The following IRAK4 variants were observed in gnomAD, a reference collection of about 807,000 sequenced individuals.
IRAK4 encodes the protein interleukin 1 receptor associated kinase 4, also known as interleukin-1 receptor-associated kinase 4.
A neutral mutation model predicts 51.8 loss-of-function variants in IRAK4; 44 were observed. The ratio of observed to expected loss-of-function variants is 0.85; its 90% CI spans 0.67 to 1.09. The LOEUF (loss-of-function observed/expected upper bound fraction) is 1.09. Ranked by LOEUF, IRAK4 falls within the 50% of genes least tolerant of loss-of-function variation. IRAK4 has a pLI of 0.00. For synonymous variants in IRAK4, 149 were observed against 174.1 expected, an observed-to-expected ratio of 0.86 and a Z score of 1.13; for missense variants, 487 against 538.0, an observed-to-expected ratio of 0.91 and a Z score of 0.94.
At chr12:43,782,000 A>T (rs1941814429) in intron 8 of IRAK4, among the ~76,000 whole-genome samples, 1 of 152,198 alleles carries the variant, frequency 6.6e-6, no homozygotes, top group Non-Finnish European at 1.5e-5. Context: ...GAATAATGAA[A>T]ATATCTCTTA....
At chr12:43,778,366 A>G in intron 8 of IRAK4, 64 bp downstream of exon 8, 1 of 881,886 alleles carries the variant, frequency 1.1e-6, no homozygotes, top group Non-Finnish European at 1.9e-6. Flanking sequence ...CTGTCACTCT[A>G]TTCACGATTC....
intron 4 of IRAK4, 135 bp from the exon 5 acceptor site, chr12:43,772,777 G>T: frequency 1.4e-6 from 1 of 710,272 alleles, no homozygotes; most frequent in South Asian, 1.9e-5. Flanking sequence ...TTTAGAAATG[G>T]TTTTATCTTC....
intron 1 of IRAK4, among the ~76,000 whole-genome samples, chr12:43,766,934 T>G (rs993784468): frequency 1.2e-4 from 19 of 152,146 alleles, no homozygotes; most frequent in African/African-American, 4.6e-4. Context: ...TGTGCAGTGA[T>G]GAAAGATAAT....
chr12:43,771,843 G>A (rs1260583376), intron 3 of IRAK4, among the ~76,000 whole-genome samples: 3 of 152,008 alleles, frequency 2.0e-5, no homozygotes, highest in African/African-American at 7.3e-5. Context: ...AATCACTTAG[G>A]TTCTGGTTAA....
rs1942340728 is a variant in IRAK4, at chr12:43,788,276, G to A, written c.*1561G>A. On this transcript the variant is annotated 3_prime_UTR_variant, in exon 12 of 12. Coordinates refer to ENST00000613694, the MANE Select transcript of IRAK4 (RefSeq NM_016123.4). ...AGTGTACGTACTGAAATGTGGGGTT[G>A]GAGCCCCAACACAGAGACCCCAGCA... 1 of 152,258 alleles carries A rather than the reference G, an allele frequency of 6.6e-6. No homozygotes were observed. Among genetic ancestry groups the A allele is most frequent in the Admixed American group, 6.5e-5 (1 of 15,286 alleles). 9.4% of individuals were successfully genotyped at this position (152,258 alleles called of 1,614,324 possible).
intron 1 of IRAK4, among the ~76,000 whole-genome samples, chr12:43,764,354 G>A (rs1343835359): frequency 6.6e-6 from 1 of 152,196 alleles, no homozygotes; most frequent in Non-Finnish European, 1.5e-5. Context: ...AACCTGGGAG[G>A]CAGAGGTTGC....
rs1941936268 is a variant in IRAK4, at chr12:43,783,296, T to TAA, written c.1126-365_1126-364dup. Among the ~76,000 whole-genome samples, 3 of 151,816 alleles carry TAA rather than the reference T, an allele frequency of 2.0e-5. No individual in the cohort carries two copies. In the South Asian group the frequency reaches 6.2e-4, roughly 31 times the overall value. On this transcript the variant is annotated intron_variant, in intron 9 of 11. Coordinates refer to ENST00000613694, the MANE Select transcript of IRAK4 (RefSeq NM_016123.4). ...GTTTTTGTCTTGAGTATTATATATATAATTTATTAATATCATGTATAATAT... is the reference window on the plus strand; with the variant it reads ...GTTTTTGTCTTGAGTATTATATATATAAAATTTATTAATATCATGTATAATAT...
At chr12:43,771,855 CATG>C in intron 3 of IRAK4, among the ~76,000 whole-genome samples, 1 of 152,106 alleles carries the variant, frequency 6.6e-6, no homozygotes, top group Non-Finnish European at 1.5e-5. Context: ...TCTGGTTAAA[CATG>C]TAGTTTCCTA....
chr12:43,783,250 G>C (rs1289982757), intron 9 of IRAK4, among the ~76,000 whole-genome samples: 2 of 151,894 alleles, frequency 1.3e-5, no homozygotes, highest in Non-Finnish European at 2.9e-5. Context: ...AATTTTGTAA[G>C]CAAGATTCAT....
At position 43,786,732 on chromosome 12, in the gene IRAK4, A is replaced by T. The variant is rs748253330; in HGVS notation, c.*17A>T. 7.5e-6 allele frequency: 12 copies of T among 1,606,352 alleles called. No individual in the cohort carries two copies. In the African/African-American group the frequency reaches 1.5e-4, roughly 20 times the overall value. On this transcript the variant is annotated 3_prime_UTR_variant, in exon 12 of 12. Coordinates refer to ENST00000613694, the MANE Select transcript of IRAK4 (RefSeq NM_016123.4). Reference sequence around the variant, plus strand: ...GCTTCTTAAAACTTTATTGGAAAAGACTCTTGACTTTTTATATACACCTAT... The same window carrying T: ...GCTTCTTAAAACTTTATTGGAAAAGTCTCTTGACTTTTTATATACACCTAT...
At chr12:43,765,319 C>A (rs920687519) in intron 1 of IRAK4, among the ~76,000 whole-genome samples, 29 of 152,190 alleles carry the variant, frequency 1.9e-4, no homozygotes, top group African/African-American at 7.0e-4. Context: ...CCTCGAAAAT[C>A]GATGTGGATG....
intron 1 of IRAK4, among the ~76,000 whole-genome samples, chr12:43,764,090 T>C (rs1256659404): frequency 6.6e-6 from 1 of 152,192 alleles, no homozygotes; most frequent in East Asian, 1.9e-4. Flanking sequence ...TATGAGGGCA[T>C]TTCAAAAAGT....
At chr12:43,764,771 G>C (rs191905705) in intron 1 of IRAK4, among the ~76,000 whole-genome samples, 2,829 of 152,244 alleles carry the variant, frequency 0.019, 57 homozygotes, top group South Asian at 0.071. Flanking sequence ...GCTTTCCCAG[G>C]TGTTTTTCTG....
intron 5 of IRAK4, chr12:43,773,668 C>T: frequency 3.8e-6 from 1 of 260,690 alleles, no homozygotes; most frequent in South Asian, 6.4e-5. Context: ...ACCTAAATTG[C>T]TTATGTTTTC....
At chr12:43,771,034 T>G in intron 2 of IRAK4, 186 bp from the exon 3 acceptor site, 30 of 693,444 alleles carry the variant, frequency 4.3e-5, no homozygotes, top group East Asian at 8.2e-5. Flanking sequence ...CCTTCCACCA[T>G]GAGATGATGT....
At chr12:43,780,837 C>T (rs1215784404) in intron 8 of IRAK4, among the ~76,000 whole-genome samples, 2 of 152,174 alleles carry the variant, frequency 1.3e-5, no homozygotes, top group East Asian at 3.9e-4. Flanking sequence ...TCCCAAAGTG[C>T]TGGGATTACA....
intron 9 of IRAK4, among the ~76,000 whole-genome samples, chr12:43,782,902 C>T (rs1164866747): frequency 6.6e-6 from 1 of 152,060 alleles, no homozygotes; most frequent in Non-Finnish European, 1.5e-5. Flanking sequence ...TTTATTTTTT[C>T]ATACGTGTTT....
In IRAK4 at chr12:43,782,506, A is replaced by G. The variant is rs1941866695; in HGVS notation, c.1125+16A>G. 1 of 1,577,960 alleles carries G rather than the reference A, an allele frequency of 6.3e-7. No homozygotes were observed. Among genetic ancestry groups the G allele is most frequent in the Non-Finnish European group, 8.7e-7 (1 of 1,148,596 alleles). On this transcript the variant is annotated intron_variant, in intron 9 of 11. Transcript: ENST00000613694. ...CTTTGGTGTGGTAAGTTCCGTATAC[A>G]TAATTATTAAAAATAATCATTCTGC...
chr12:43,779,125 G>A (rs4251506), intron 8 of IRAK4, among the ~76,000 whole-genome samples: 2,381 of 152,248 alleles, frequency 0.016, 71 homozygotes, highest in African/African-American at 0.053. Context: ...CTAGTCAAAC[G>A]TGGTATTGCA....
Sources: gnomAD v4.1 joint callset for allele counts (sites outside exome capture counted in the v4.1 genomes callset) on GRCh38, gnomAD v4.1.1 for gene constraint, MANE v1.5 for transcripts, NCBI Gene and HGNC (gene_info 2026-07-23, HGNC 2026-07-21) for gene names.